FGD3: variants seen among roughly 807,000 people sequenced by gnomAD.
FGD3 encodes FYVE, RhoGEF and PH domain containing 3.
In FGD3, 45 loss-of-function variants were observed where a neutral mutation model predicts 71.8. That is an observed-to-expected ratio of 0.63 (90% CI 0.49 to 0.80). FGD3 has a LOEUF of 0.80. FGD3 is among the 30% of genes least tolerant of loss of function. FGD3 has a pLI of 0.00. For missense variants in FGD3, 844 were observed against 951.5 expected (o/e 0.89, Z 1.49); for synonymous variants, 378 against 392.8 (o/e 0.96, Z 0.44).
At chr9:92,960,607 G>A (rs538694089) in intron 1 of FGD3, among the ~76,000 whole-genome samples, 1 of 152,148 alleles carries the variant, frequency 6.6e-6, no homozygotes, top group African/African-American at 2.4e-5. Context: ...GTAACAGCCA[G>A]GGCCAGCTGG....
intron 3 of FGD3, among the ~76,000 whole-genome samples, chr9:92,981,377 A>AG (rs1368894513): frequency 6.6e-6 from 1 of 151,058 alleles, no homozygotes; most frequent in Non-Finnish European, 1.5e-5. Context: ...CCAAAAAAAA[A>AG]AAAAAAAGAA....
chr9:92,961,223 A>G (rs1157116199), intron 1 of FGD3, among the ~76,000 whole-genome samples: 1 of 152,068 alleles, frequency 6.6e-6, no homozygotes, highest in Admixed American at 6.5e-5. Flanking sequence ...CATCAGAGGC[A>G]CCCACCCCTC....
chr9:92,994,850 A>G (rs1218057082), intron 3 of FGD3, among the ~76,000 whole-genome samples: 2 of 152,188 alleles, frequency 1.3e-5, no homozygotes, highest in African/African-American at 4.8e-5. Flanking sequence ...TTTTGGTACC[A>G]GTACCATGCT....
At chr9:93,005,443 G>A (rs922768620) in intron 5 of FGD3, among the ~76,000 whole-genome samples, 1 of 152,174 alleles carries the variant, frequency 6.6e-6, no homozygotes, top group Non-Finnish European at 1.5e-5. Flanking sequence ...TAAATTAAAT[G>A]TATAAGTGCA....
At position 93,035,754 on chromosome 9, in the gene FGD3, G is replaced by C. The variant is rs559540743; in HGVS notation, c.*165G>C. The C allele has an allele frequency of 2.8e-6, 3 of 1,089,898 alleles. No homozygotes were observed. The highest frequency in any genetic ancestry group is 3.8e-6 in the Non-Finnish European group (3 of 798,166). 67.5% of individuals were successfully genotyped at this position (1,089,898 alleles called of 1,614,324 possible). ...GGGAAGGAAACTGAGGCCCAGAGAG[G>C]GGCAACCACTGGCCAAGGGTCACCC... On this transcript the variant is annotated 3_prime_UTR_variant, in exon 18 of 18. Coordinates refer to ENST00000375482, the MANE Select transcript of FGD3 (RefSeq NM_001083536.2).
intron 3 of FGD3, among the ~76,000 whole-genome samples, chr9:92,999,496 A>G (rs1294539766): frequency 6.6e-6 from 1 of 151,278 alleles, no homozygotes; most frequent in Non-Finnish European, 1.5e-5. Context: ...TCAACCTGGT[A>G]CCTCAATCGG....
At chr9:93,035,186 A>T in intron 17 of FGD3, 152 bp from the exon 18 acceptor site, 1 of 1,108,558 alleles carries the variant, frequency 9.0e-7, no homozygotes, top group Non-Finnish European at 1.2e-6. Context: ...GACAAAAGGC[A>T]GTGCAGGCAC....
At chr9:93,005,621 T>A (rs1210968967) in intron 5 of FGD3, among the ~76,000 whole-genome samples, 1 of 152,232 alleles carries the variant, frequency 6.6e-6, no homozygotes, top group Non-Finnish European at 1.5e-5. Flanking sequence ...AAAGAGCTAC[T>A]TTCCCCAGGA....
intron 3 of FGD3, among the ~76,000 whole-genome samples, chr9:92,990,990 G>T (rs1860384925): frequency 1.3e-5 from 2 of 152,234 alleles, no homozygotes; most frequent in South Asian, 2.1e-4. Flanking sequence ...TTGATAATTG[G>T]TATCAATTGT....
intron 3 of FGD3, among the ~76,000 whole-genome samples, chr9:92,997,987 C>T (rs1360524698): frequency 6.6e-6 from 1 of 152,134 alleles, no homozygotes; most frequent in Non-Finnish European, 1.5e-5. Context: ...GTGGCATTCT[C>T]TGTATTTCCT....
chr9:93,029,942 T>A lies in FGD3; in HGVS notation c.1626T>A (p.Gly542=), dbSNP rs887420897. The change falls in exon 15 of 18, where the codon GGT becomes GGA. Residue 542 remains glycine (G), a synonymous_variant. Transcript: ENST00000375482. The part of the protein sequence containing the change: ...DKEKQSCKSC[G]ETFNSITKRR... ...AGAAGCAGAGCTGTAAGAGCTGTGGTGAGACCTTCAACTCCATCACCAAGA... is the reference window on the plus strand; with the variant it reads ...AGAAGCAGAGCTGTAAGAGCTGTGGAGAGACCTTCAACTCCATCACCAAGA... The A allele has an allele frequency of 8.1e-6, 13 of 1,613,432 alleles. No individual in the cohort carries two copies. In the African/African-American group the frequency reaches 1.6e-4, roughly 20 times the overall value.
chr9:93,008,530 C>T (rs1046218683), intron 6 of FGD3, among the ~76,000 whole-genome samples: 1 of 152,116 alleles, frequency 6.6e-6, no homozygotes, highest in Non-Finnish European at 1.5e-5. Context: ...TGAGGCTGTG[C>T]CTTTTCCTGG....
chr9:92,992,822 T>C (rs1860469278), intron 3 of FGD3, among the ~76,000 whole-genome samples: 2 of 152,168 alleles, frequency 1.3e-5, no homozygotes, highest in Non-Finnish European at 1.5e-5. Context: ...ATCCGGGTGA[T>C]GTAGCTATGC....
intron 3 of FGD3, among the ~76,000 whole-genome samples, chr9:92,978,766 GCCCCTCCCCTCCCCT>G (rs142580787): frequency 1.2e-3 from 30 of 25,424 alleles, no homozygotes; most frequent in African/African-American, 5.2e-3. Context: ...ACTCCTCTCT[GCCCCTCCCCTCCCCT>G]CCCCTCCCCT....
At position 93,032,906 on chromosome 9, in the gene FGD3, T is replaced by C. The variant is rs373516799; in HGVS notation, c.1785+33T>C. ...CTCCCAGCTCCTGCTCCCCTCCTGGTGGCGCGGCAGAGCCTCCAGACACCT... is the reference window on the plus strand; with the variant it reads ...CTCCCAGCTCCTGCTCCCCTCCTGGCGGCGCGGCAGAGCCTCCAGACACCT... On this transcript the variant is annotated intron_variant, in intron 16 of 17. Transcript: ENST00000375482. 45 of 1,586,986 alleles carry C rather than the reference T, an allele frequency of 2.8e-5. No homozygotes were observed. In the African/African-American group the frequency reaches 5.4e-4, roughly 19 times the overall value.
intron 1 of FGD3, among the ~76,000 whole-genome samples, chr9:92,966,049 C>T (rs143043162): frequency 6.6e-6 from 1 of 152,330 alleles, no homozygotes; most frequent in Non-Finnish European, 1.5e-5. Context: ...CGACCGTCAG[C>T]TGTCGGGGCT....
At chr9:93,015,858 TC>T in intron 10 of FGD3, 29 bp downstream of exon 10, 2 of 1,602,650 alleles carry the variant, frequency 1.2e-6, no homozygotes, top group Non-Finnish European at 1.7e-6. Context: ...CTCAAACCTG[TC>T]CCCCTGGAAG....
At position 93,032,706 on chromosome 9, in the gene FGD3, G is replaced by T; in HGVS notation, c.1681-63G>T. On this transcript the variant is annotated intron_variant, in intron 15 of 17. Transcript: ENST00000375482. Reference sequence around the variant, plus strand: ...CCTCCCGCCCACTCTACCTCCTCTGGCATCTTCCTGGATAATCCTCTGTCC... The same window carrying T: ...CCTCCCGCCCACTCTACCTCCTCTGTCATCTTCCTGGATAATCCTCTGTCC... 11 of 1,507,122 alleles carry T rather than the reference G, an allele frequency of 7.3e-6. No individual in the cohort carries two copies. In the South Asian group the frequency reaches 1.3e-4, roughly 17 times the overall value. The allele number at this position is 1,507,122 out of a possible 1,614,324, so 93.4% of individuals were successfully genotyped here. A position where few individuals can be genotyped will look rare whatever the true frequency, so the allele number is the denominator to read the frequency against.
chr9:92,947,926 C>G (rs922428758), intron 1 of FGD3, among the ~76,000 whole-genome samples, 197 bp downstream of exon 1: 3 of 152,014 alleles, frequency 2.0e-5, no homozygotes. Flanking sequence ...CAGCTTTCTG[C>G]CCCCTCCTGA....
Sources: gnomAD v4.1 joint callset for allele counts (sites outside exome capture counted in the v4.1 genomes callset) on GRCh38, gnomAD v4.1.1 for gene constraint, MANE v1.5 for transcripts, NCBI Gene and HGNC (gene_info 2026-07-23, HGNC 2026-07-21) for gene names.